Variants in CGGBP1 observed in about 807,000 individuals in gnomAD.
CGGBP1 encodes CGG triplet repeat-binding protein 1.
CGGBP1 carries 4 observed loss-of-function variants against 11.4 expected under a neutral mutation model. The observed-to-expected ratio is 0.35, with a 90% CI of 0.17 to 0.80. The LOEUF is 0.80. Among genes scored for constraint, CGGBP1 ranks in the 30% least tolerant of loss-of-function variants. The pLI, the probability that CGGBP1 is intolerant of heterozygous loss-of-function variation, is 0.52. For missense variants in CGGBP1, 135 were observed against 202.1 expected, an observed-to-expected ratio of 0.67 and a Z score of 2.01; for synonymous variants, 76 against 74.1, an observed-to-expected ratio of 1.03 and a Z score of -0.13.
chr3:88,129,812 T>C, intron 2 of CGGBP1: 1 of 1,493,676 alleles, frequency 6.7e-7, no homozygotes, highest in Non-Finnish European at 8.9e-7. Flanking sequence ...AGAATGGGGA[T>C]ATGTACTGTA....
chr3:88,125,002 T>C (rs1362853432), intron 2 of CGGBP1, among the ~76,000 whole-genome samples: 1 of 151,826 alleles, frequency 6.6e-6, no homozygotes, highest in Non-Finnish European at 1.5e-5. Context: ...GATCATGAGG[T>C]CAAGAGATTG....
chr3:88,067,989 CTATAT>C (rs764409969), intron 2 of CGGBP1, among the ~76,000 whole-genome samples: 6 of 151,514 alleles, frequency 4.0e-5, no homozygotes, highest in Non-Finnish European at 7.4e-5. Context: ...AAGGGATTAT[CTATAT>C]TATAAGACCC....
At chr3:88,109,815 A>G (rs1442184939) in intron 2 of CGGBP1, among the ~76,000 whole-genome samples, 1 of 152,188 alleles carries the variant, frequency 6.6e-6, no homozygotes, top group Non-Finnish European at 1.5e-5. Context: ...GTAAAAAATA[A>G]TATATTAAAC....
intron 2 of CGGBP1, among the ~76,000 whole-genome samples, chr3:88,098,856 A>G (rs1280962443): frequency 6.6e-6 from 1 of 152,232 alleles, no homozygotes; most frequent in Non-Finnish European, 1.5e-5. Context: ...AGAGCTATCT[A>G]TGACAAACCC....
chr3:88,142,760 G>C (rs1397399425), intron 1 of CGGBP1: 1 of 152,230 alleles, frequency 6.6e-6, no homozygotes, highest in East Asian at 1.9e-4. Flanking sequence ...GGTCTGAACA[G>C]TAATTTTTAT....
chr3:88,065,671 A>T (rs1707156185), intron 2 of CGGBP1, among the ~76,000 whole-genome samples: 1 of 152,110 alleles, frequency 6.6e-6, no homozygotes, highest in South Asian at 2.1e-4. Context: ...CAAAGAAAAA[A>T]TAAAGTATAT....
chr3:88,102,538 C>A (rs184724265), intron 2 of CGGBP1, among the ~76,000 whole-genome samples: 275 of 152,268 alleles, frequency 1.8e-3, no homozygotes, highest in African/African-American at 6.4e-3. Flanking sequence ...CTTTACTTAA[C>A]ATGGTTAATC....
chr3:88,068,780 C>T (rs1707341409), intron 2 of CGGBP1, among the ~76,000 whole-genome samples: 1 of 152,068 alleles, frequency 6.6e-6, no homozygotes, highest in African/African-American at 2.4e-5. Context: ...TTTTATAGGT[C>T]AGGAAACTAA....
chr3:88,067,303 C>T (rs1471062079), intron 2 of CGGBP1, among the ~76,000 whole-genome samples: 1 of 152,150 alleles, frequency 6.6e-6, no homozygotes, highest in Admixed American at 6.5e-5. Flanking sequence ...GAGATCCTTT[C>T]GTTTGGTTTG....
chr3:88,129,436 C>T (rs1453047646), intron 2 of CGGBP1, among the ~76,000 whole-genome samples: 1 of 149,934 alleles, frequency 6.7e-6, no homozygotes, highest in African/African-American at 2.5e-5. Context: ...AGGAATTAAT[C>T]TTTTCCTAAT....
intron 2 of CGGBP1, chr3:88,128,967 A>C: frequency 6.5e-7 from 1 of 1,535,274 alleles, no homozygotes; most frequent in Non-Finnish European, 8.7e-7. Context: ...AGCACTCTTC[A>C]CATGTCTGTT....
upstream of CGGBP1, among the ~76,000 whole-genome samples, chr3:88,062,774 C>T (rs1323218076): frequency 6.6e-6 from 1 of 151,956 alleles, no homozygotes; most frequent in Admixed American, 6.6e-5. Flanking sequence ...AGTCATGCCA[C>T]GAGGATGTCA....
upstream of CGGBP1, chr3:88,059,525 C>T (rs1164457618): frequency 2.7e-6 from 4 of 1,459,896 alleles, no homozygotes; most frequent in Non-Finnish European, 3.6e-6. Flanking sequence ...CCGTTGGCCG[C>T]CCCGACTTGT....
At chr3:88,066,000 C>G (rs1203555288) in intron 2 of CGGBP1, among the ~76,000 whole-genome samples, 1 of 152,154 alleles carries the variant, frequency 6.6e-6, no homozygotes, top group Admixed American at 6.5e-5. Flanking sequence ...TCCCATGATG[C>G]TAGGATTACA....
intron 2 of CGGBP1, among the ~76,000 whole-genome samples, chr3:88,109,150 T>TGTGTGTGTGTGTGTGTGTGTGTGA (rs1704934340): frequency 2.0e-5 from 3 of 148,802 alleles, no homozygotes; most frequent in Non-Finnish European, 4.5e-5. Context: ...CTAGTGTGTG[T>TGTGTGTGTGTGTGTGTGTGTGTGA]GTGTGTGTGT....
intron 2 of CGGBP1, among the ~76,000 whole-genome samples, chr3:88,117,111 T>G (rs1705462198): frequency 1.3e-5 from 2 of 152,122 alleles, no homozygotes; most frequent in Non-Finnish European, 2.9e-5. Flanking sequence ...GGTAAAATAT[T>G]ATATAGAGAT....
At chr3:88,066,430 T>C (rs1210593962) in intron 2 of CGGBP1, among the ~76,000 whole-genome samples, 2 of 151,880 alleles carry the variant, frequency 1.3e-5, no homozygotes, top group African/African-American at 4.8e-5. Flanking sequence ...AAAATTTAGC[T>C]GGGTGTGGTG....
chr3:88,068,809 G>T (rs1707342375), intron 2 of CGGBP1, among the ~76,000 whole-genome samples: 1 of 152,100 alleles, frequency 6.6e-6, no homozygotes, highest in Admixed American at 6.5e-5. Context: ...GAGATGGCTT[G>T]ACCAAGTCCT....
At chr3:88,111,633 A>G (rs1238841226) in intron 2 of CGGBP1, among the ~76,000 whole-genome samples, 3 of 151,996 alleles carry the variant, frequency 2.0e-5, no homozygotes, top group African/African-American at 4.8e-5. Flanking sequence ...TTTTGCTTCT[A>G]TAAACCATTT....
Sources: allele counts gnomAD v4.1 joint callset (sites outside exome capture counted in the v4.1 genomes callset), GRCh38; gene constraint gnomAD v4.1.1; transcripts MANE v1.5; gene names NCBI Gene and HGNC (gene_info 2026-07-23, HGNC 2026-07-21).